The following PAK5 variants were observed in gnomAD, a reference collection of about 807,000 sequenced individuals.
PAK5 encodes serine/threonine-protein kinase PAK 5.
In PAK5, 16 loss-of-function variants were observed where a neutral mutation model predicts 65.9. That is an observed-to-expected ratio of 0.24 (90% CI 0.16 to 0.37). PAK5 has a LOEUF of 0.37. Ranked by LOEUF, PAK5 falls within the 10% of genes least tolerant of loss-of-function variation. The pLI is 1.00. For missense variants in PAK5, 785 were observed against 903.9 expected (o/e 0.87, Z 1.69); for synonymous variants, 371 against 354.9 (o/e 1.05, Z -0.51).
intron 7 of PAK5, among the ~76,000 whole-genome samples, chr20:9,550,754 G>GTGTGTGTGTT (rs1224881117): frequency 6.6e-6 from 1 of 151,928 alleles, no homozygotes; most frequent in Non-Finnish European, 1.5e-5. Context: ...GTGTGTGTGT[G>GTGTGTGTGTT]TGTGTGTTTA....
intron 2 of PAK5, among the ~76,000 whole-genome samples, chr20:9,660,116 C>T (rs2047324359): frequency 6.6e-6 from 1 of 152,082 alleles, no homozygotes; most frequent in African/African-American, 2.4e-5. Context: ...TTCAGATTCT[C>T]ACTTACAGCC....
Position 9,542,766 on chromosome 20 carries a change from T to C in PAK5, c.1870-46A>G, listed in dbSNP as rs766213129. On this transcript the variant is annotated intron_variant, in intron 8 of 9. Transcript: ENST00000353224. ...GTTATCTCAGGCAAGGAGAACATTC[T>C]GAAATGTCAAGTGTGTCCACAGAAC... is the stretch of plus-strand genomic sequence containing the variant. 4.4e-6 allele frequency: 7 copies of C among 1,583,990 alleles called. No homozygotes were observed. The East Asian group carries it at 1.1e-4, about 25-fold the overall frequency.
intron 1 of PAK5, among the ~76,000 whole-genome samples, chr20:9,794,188 C>T (rs948953879): frequency 2.6e-5 from 3 of 116,696 alleles, no homozygotes; most frequent in Non-Finnish European, 5.4e-5. Flanking sequence ...GGGGTGGGGG[C>T]AAGGGGAGGG....
chr20:9,824,312 G>T (rs1428357502), intron 1 of PAK5, among the ~76,000 whole-genome samples: 2 of 152,192 alleles, frequency 1.3e-5, no homozygotes, highest in African/African-American at 4.8e-5. Context: ...CCAGCACTTT[G>T]GGAGGCCAAG....
rs113919002 is a variant in PAK5, at chr20:9,561,657, G to A, written c.1616+1234C>T. On this transcript the variant is annotated intron_variant, in intron 6 of 9. Coordinates refer to ENST00000353224, the MANE Select transcript of PAK5 (RefSeq NM_177990.4). ...GTTTTATACTTCACAGGGTTTCCCA[G>A]TACTTTCTTGTTACCTTGTTTTCCA... is the stretch of plus-strand genomic sequence containing the variant. Among the ~76,000 whole-genome samples, 694 of 152,250 alleles carry A rather than the reference G, an allele frequency of 4.6e-3. 3 individuals carry two copies. Among genetic ancestry groups the A allele is most frequent in the Non-Finnish European group, 6.4e-3 (432 of 68,028 alleles).
intron 1 of PAK5, among the ~76,000 whole-genome samples, chr20:9,809,645 T>C (rs749371992): frequency 5.3e-5 from 8 of 152,178 alleles, no homozygotes; most frequent in Non-Finnish European, 8.8e-5. Context: ...TTAATGGCTG[T>C]TTGTCAAACA....
chr20:9,766,283 A>ATTGAATATATATATATTATAC (rs2048758249), intron 1 of PAK5, among the ~76,000 whole-genome samples: 1 of 66,770 alleles, frequency 1.5e-5, no homozygotes, highest in Non-Finnish European at 2.9e-5. Context: ...ATATATTCTA[A>ATTGAATATATATATATTATAC]TTGAATATAT....
At chr20:9,749,616 A>G (rs1294906441) in intron 1 of PAK5, among the ~76,000 whole-genome samples, 1 of 152,210 alleles carries the variant, frequency 6.6e-6, no homozygotes, top group Non-Finnish European at 1.5e-5. Flanking sequence ...GCTGTTCCAT[A>G]GATTGATGTA....
chr20:9,621,403 A>T (rs219867), intron 3 of PAK5, among the ~76,000 whole-genome samples: 29,018 of 105,988 alleles, frequency 0.27, 3,785 homozygotes, highest in East Asian at 0.57. Context: ...GGCAGGACTG[A>T]TTAAAAAAAA....
chr20:9,773,444 T>A (rs942520562), intron 1 of PAK5, among the ~76,000 whole-genome samples: 3 of 151,602 alleles, frequency 2.0e-5, no homozygotes, highest in Non-Finnish European at 2.9e-5. Context: ...TGTGTCCAAG[T>A]GTTCTCATTG....
intron 4 of PAK5, among the ~76,000 whole-genome samples, chr20:9,576,486 T>C (rs2045887272): frequency 6.6e-6 from 1 of 152,126 alleles, no homozygotes; most frequent in Admixed American, 6.5e-5. Flanking sequence ...CACCCTATGA[T>C]GCACAGGACA....
At chr20:9,803,263 GCTGCAGTTGC>G (rs1278093786) in intron 1 of PAK5, among the ~76,000 whole-genome samples, 2 of 152,028 alleles carry the variant, frequency 1.3e-5, no homozygotes. Context: ...AGAATTAACA[GCTGCAGTTGC>G]CTGAAACTAC....
intron 2 of PAK5, among the ~76,000 whole-genome samples, chr20:9,675,130 C>A (rs1252391306): frequency 6.6e-6 from 1 of 152,084 alleles, no homozygotes; most frequent in Admixed American, 6.6e-5. Context: ...TTTCCTCAGA[C>A]TGAGAATTGC....
intron 2 of PAK5, among the ~76,000 whole-genome samples, chr20:9,699,722 C>A (rs1241193453): frequency 6.6e-6 from 1 of 151,888 alleles, no homozygotes; most frequent in Non-Finnish European, 1.5e-5. Context: ...TTGTATTTCA[C>A]AAGTGGGAAC....
chr20:9,736,231 G>A (rs926504), intron 1 of PAK5, among the ~76,000 whole-genome samples: 75,942 of 151,670 alleles, frequency 0.5, 19,122 homozygotes, highest in South Asian at 0.63. Context: ...AAACACATAG[G>A]GAAATGATCT....
intron 1 of PAK5, among the ~76,000 whole-genome samples, chr20:9,810,890 T>C (rs1426631742): frequency 6.6e-6 from 1 of 152,106 alleles, no homozygotes; most frequent in Non-Finnish European, 1.5e-5. Flanking sequence ...TGCATACATA[T>C]ATACATACAT....
At position 9,542,773 on chromosome 20, in the gene PAK5, T is replaced by C. The variant is rs73241739; in HGVS notation, c.1870-53A>G. The C allele has an allele frequency of 1.1e-3, 1,662 of 1,547,750 alleles. 13 individuals carry two copies. In the African/African-American group the frequency reaches 0.015, roughly 14 times the overall value. ...CAGGCAAGGAGAACATTCTGAAATG[T>C]CAAGTGTGTCCACAGAACCTCATAC... On this transcript the variant is annotated intron_variant, in intron 8 of 9. Transcript: ENST00000353224.
intron 3 of PAK5, among the ~76,000 whole-genome samples, chr20:9,612,246 C>T (rs1282717748): frequency 6.6e-6 from 1 of 152,210 alleles, no homozygotes; most frequent in Non-Finnish European, 1.5e-5. Flanking sequence ...TGTTGTTCCT[C>T]CTGGCACACT....
chr20:9,719,303 G>C (rs951102515), intron 1 of PAK5, among the ~76,000 whole-genome samples: 19 of 152,178 alleles, frequency 1.2e-4, no homozygotes, highest in Non-Finnish European at 2.8e-4. Flanking sequence ...AATTCTCAGA[G>C]CATACAGAAC....
Sources: gnomAD v4.1 joint callset for allele counts (sites outside exome capture counted in the v4.1 genomes callset) on GRCh38, gnomAD v4.1.1 for gene constraint, MANE v1.5 for transcripts, NCBI Gene and HGNC (gene_info 2026-07-23, HGNC 2026-07-21) for gene names.